The following ERG variants were observed in gnomAD, a reference collection of about 807,000 sequenced individuals.
ERG encodes transcriptional regulator ERG.
ERG carries 9 observed loss-of-function variants against 55.3 expected under a neutral mutation model. The ratio of observed to expected loss-of-function variants is 0.16; its 90% CI spans 0.10 to 0.28. The LOEUF is 0.28. Among genes scored for constraint, ERG ranks in the 10% least tolerant of loss-of-function variants. The pLI, the probability that ERG is intolerant of heterozygous loss-of-function variation, is 1.00. For synonymous variants in ERG, 223 were observed against 237.3 expected, an observed-to-expected ratio of 0.94 and a Z score of 0.55; for missense variants, 434 against 631.6, an observed-to-expected ratio of 0.69 and a Z score of 3.35.
At chr21:38,445,749 ACCTTTC>A in intron 1 of ERG, 128 bp from the exon 2 acceptor site, 1 of 689,488 alleles carries the variant, frequency 1.5e-6, no homozygotes, top group Admixed American at 2.8e-5. Context: ...CTCCATTTCT[ACCTTTC>A]AGAAGAAAAA....
Position 38,480,591 on chromosome 21 carries a change from C to CTT in ERG, c.18+17770_18+17771dup, listed in dbSNP as rs544037525. 4.0e-3 allele frequency among the ~76,000 whole-genome samples: 202 copies of CTT among 51,106 alleles called. 11 individuals carry two copies. The highest frequency in any genetic ancestry group is 8.0e-3 in the African/African-American group (103 of 12,854). The allele number at this position is 51,106 out of a possible 152,430, so 33.5% of individuals were successfully genotyped here. On this transcript the variant is annotated intron_variant, in intron 1 of 9. Transcript: ENST00000288319. ...TTGCCACTTTAGGGCACTATATGGC[C>CTT]TTTTTTTTTTTTTTTTTTTTTTTGC...
At chr21:38,430,352 ACT>A (rs1161613174) in intron 2 of ERG, among the ~76,000 whole-genome samples, 1 of 151,630 alleles carries the variant, frequency 6.6e-6, no homozygotes, top group African/African-American at 2.4e-5. Context: ...ATTTTCTTCC[ACT>A]CTGTGGGTTG....
intron 2 of ERG, among the ~76,000 whole-genome samples, chr21:38,429,326 A>G (rs1443419604): frequency 6.6e-6 from 1 of 151,814 alleles, no homozygotes; most frequent in Non-Finnish European, 1.5e-5. Context: ...ATATACACAT[A>G]TATGTATATC....
intron 2 of ERG, among the ~76,000 whole-genome samples, chr21:38,508,082 T>TACACAGACGCAC (rs1236271447): frequency 1.7e-4 from 1 of 5,882 alleles, no homozygotes; most frequent in Non-Finnish European, 3.2e-4. Flanking sequence ...CACACACATA[T>TACACAGACGCAC]ATACACACAG....
rs559839553 is a variant in ERG, at chr21:38,456,072, T to C, written c.19-10451A>G. Among the ~76,000 whole-genome samples, 3 of 152,348 alleles carry C rather than the reference T, an allele frequency of 2.0e-5. No individual in the cohort carries two copies. In the South Asian group the frequency reaches 6.2e-4, roughly 32 times the overall value. ...TCTACTGATGTTTTCTAAGACTCCA[T>C]TTTGCACCAAAATGAGATCGATTTG... On this transcript the variant is annotated intron_variant, in intron 1 of 9. Coordinates refer to ENST00000288319, the MANE Select transcript of ERG (RefSeq NM_182918.4).
rs755075659 is a variant in ERG at position 38,439,030 on chromosome 21, C to T, written c.236+6374G>A. Among the ~76,000 whole-genome samples, 91 of 152,224 alleles carry T rather than the reference C, an allele frequency of 6.0e-4. 1 individual carries two copies. Among genetic ancestry groups the T allele is most frequent in the Non-Finnish European group, 8.1e-4 (55 of 68,056 alleles). On this transcript the variant is annotated intron_variant, in intron 2 of 9. Transcript: ENST00000288319. ...TCACCACACCGGGGGAACCCTCACT[C>T]AACAGAATCAAACATGGCAATGGCT...
At chr21:38,510,087 C>T (rs979405265) in intron 2 of ERG, among the ~76,000 whole-genome samples, 15 of 152,224 alleles carry the variant, frequency 9.9e-5, no homozygotes, top group Non-Finnish European at 1.6e-4. Context: ...AACCATGGTC[C>T]TGTGTGCTCC....
chr21:38,548,839 A>G (rs113956148), intron 2 of ERG, among the ~76,000 whole-genome samples: 75,100 of 148,824 alleles, frequency 0.5, 20,212 homozygotes, highest in Non-Finnish European at 0.62. Context: ...GGACGGGCAC[A>G]GTGGCTCACG....
chr21:38,516,345 T>C (rs1332825492), intron 2 of ERG, among the ~76,000 whole-genome samples: 2 of 150,536 alleles, frequency 1.3e-5, no homozygotes, highest in African/African-American at 4.9e-5. Context: ...GAGAAAGAAA[T>C]CAAGAAGAAA....
chr21:38,446,526 A>G (rs1011680181), intron 1 of ERG, among the ~76,000 whole-genome samples: 10 of 152,326 alleles, frequency 6.6e-5, no homozygotes, highest in South Asian at 2.1e-4. Flanking sequence ...TTGTGCTGCA[A>G]TGACACAGAG....
chr21:38,466,214 A>G (rs895576085), intron 1 of ERG, among the ~76,000 whole-genome samples: 1 of 152,064 alleles, frequency 6.6e-6, no homozygotes, highest in Non-Finnish European at 1.5e-5. Context: ...GCATTCTTGT[A>G]TGAATGAAAC....
chr21:38,585,532 CTTTTTTTTTTTTT>C (rs760791568), upstream of ERG, among the ~76,000 whole-genome samples: 3 of 59,282 alleles, frequency 5.1e-5, no homozygotes, highest in East Asian at 1.3e-3. Context: ...TCTCTCTCTT[CTTTTTTTTTTTTT>C]TTTTTTTTTT....
At chr21:38,573,319 G>A (rs893497745) in intron 2 of ERG, among the ~76,000 whole-genome samples, 2 of 152,234 alleles carry the variant, frequency 1.3e-5, no homozygotes, top group East Asian at 3.8e-4. Flanking sequence ...TCTGTGCTGA[G>A]GTGGATTAGT....
intron 2 of ERG, among the ~76,000 whole-genome samples, chr21:38,560,057 A>T (rs182876237): frequency 6.6e-6 from 1 of 152,260 alleles, no homozygotes; most frequent in African/African-American, 2.4e-5. Context: ...ACAGCAAATG[A>T]CCCCATCTAA....
At chr21:38,461,839 T>C (rs148302762) in intron 1 of ERG, among the ~76,000 whole-genome samples, 1 of 152,360 alleles carries the variant, frequency 6.6e-6, no homozygotes, top group African/African-American at 2.4e-5. Context: ...AGTTTCACTC[T>C]TGTCACCCAG....
chr21:38,394,512 C>G (rs753626620), intron 6 of ERG, among the ~76,000 whole-genome samples: 2 of 152,114 alleles, frequency 1.3e-5, no homozygotes, highest in Non-Finnish European at 2.9e-5. Flanking sequence ...GCCACCATGC[C>G]TGGCTAATTT....
At chr21:38,600,929 T>C (rs934631442) in intron 1 of ERG, among the ~76,000 whole-genome samples, 3 of 152,118 alleles carry the variant, frequency 2.0e-5, no homozygotes, top group African/African-American at 7.2e-5. Context: ...TATCCATGCA[T>C]CTAACCCCCC....
intron 2 of ERG, among the ~76,000 whole-genome samples, chr21:38,546,750 C>G (rs1014985243): frequency 2.0e-5 from 3 of 152,188 alleles, no homozygotes; most frequent in African/African-American, 7.2e-5. Flanking sequence ...GTATCTGCTC[C>G]TGGCCTCAGC....
intron 1 of ERG, among the ~76,000 whole-genome samples, chr21:38,473,248 A>G (rs2059156856): frequency 6.6e-6 from 1 of 151,428 alleles, no homozygotes; most frequent in African/African-American, 2.4e-5. Context: ...TTTGACTCAC[A>G]TCACTTCAGC....
Sources: allele counts gnomAD v4.1 joint callset (sites outside exome capture counted in the v4.1 genomes callset), GRCh38; gene constraint gnomAD v4.1.1; transcripts MANE v1.5; gene names NCBI Gene and HGNC (gene_info 2026-07-23, HGNC 2026-07-21).